CACNA1I: variants seen among roughly 807,000 people sequenced by gnomAD.
CACNA1I encodes voltage-dependent T-type calcium channel subunit alpha-1I.
In CACNA1I, 74 loss-of-function variants were observed where a neutral mutation model predicts 201.6. The observed-to-expected ratio is 0.37, with a 90% confidence interval of 0.30 to 0.45. CACNA1I has a LOEUF of 0.45. Ranked by LOEUF, CACNA1I falls within the 20% of genes least tolerant of loss-of-function variation. The probability of loss-of-function intolerance (pLI) is 1.00; values close to 1 mark genes in which losing one functional copy is unlikely to be tolerated. For missense variants in CACNA1I, 2,346 were observed against 3,138.1 expected (o/e 0.75, Z 6.03); for synonymous variants, 1,431 against 1,345.2 (o/e 1.06, Z -1.40).
At chr22:39,589,840 A>C (rs978017185) in intron 1 of CACNA1I, among the ~76,000 whole-genome samples, 10 of 152,174 alleles carry the variant, frequency 6.6e-5, no homozygotes, top group Non-Finnish European at 1.5e-4. Flanking sequence ...AGGAGGATGG[A>C]GCCCCCAGCC....
chr22:39,658,967 G>A lies in CACNA1I; in HGVS notation c.2181G>A (p.Leu727=), dbSNP rs377565636. The part of the protein sequence containing the change: ...WEIVGQADGG[L]SVLRTFRLLR... ...TTGTGGGGCAGGCGGACGGTGGGCT[G>A]TCGGTGCTGCGGACCTTCCGGCTGC... The change falls in exon 12 of 37, where the codon CTG becomes CTA. Residue 727 remains leucine (L), a synonymous_variant. Coordinates refer to ENST00000402142, the MANE Select transcript of CACNA1I (RefSeq NM_021096.4). 2.5e-6 allele frequency: 4 copies of A among 1,605,184 alleles called. No homozygotes were observed. The highest frequency in any genetic ancestry group is 1.3e-5 in the African/African-American group (1 of 74,788).
chr22:39,590,950 A>T (rs964184032), intron 1 of CACNA1I, among the ~76,000 whole-genome samples: 4 of 151,664 alleles, frequency 2.6e-5, no homozygotes, highest in Non-Finnish European at 5.9e-5. Context: ...GGCTTAAGTG[A>T]TCCTCCCATC....
At chr22:39,595,145 C>T (rs901137086) in intron 1 of CACNA1I, among the ~76,000 whole-genome samples, 5 of 151,626 alleles carry the variant, frequency 3.3e-5, no homozygotes, top group African/African-American at 4.8e-5. Context: ...AAAAATTAGC[C>T]GGGCGTGGTG....
rs1178738335 is a variant in CACNA1I at position 39,641,036 on chromosome 22, G to A, written c.910G>A (p.Gly304Arg). 1.9e-6 allele frequency: 3 copies of A among 1,614,044 alleles called. No individual in the cohort carries two copies. Among genetic ancestry groups the A allele is most frequent in the Non-Finnish European group, 2.5e-6 (3 of 1,179,896 alleles). ...CLSKDDVYDFGAGRQDLNASG... is the reference protein window; with the variant it reads ...CLSKDDVYDFRAGRQDLNASG... ...GTCCAAGGACGACGTCTACGACTTT[G>A]GGGCGGGGCGCCAGGACCTCAATGC... The change falls in exon 6 of 37, where the codon GGG (glycine) becomes AGG (arginine). Residue 304 changes from glycine (G) to arginine (R), a missense_variant. Transcript: ENST00000402142.
chr22:39,663,628 G>T (rs1053630501), intron 18 of CACNA1I, 90 bp from the exon 19 acceptor site: 201 of 1,504,534 alleles, frequency 1.3e-4, no homozygotes, highest in Middle Eastern at 3.5e-4. Flanking sequence ...AGGCCAGCGT[G>T]GTCTGCACTG....
At position 39,664,795 on chromosome 22, in the gene CACNA1I, C is replaced by T. The variant is rs1273975692; in HGVS notation, c.3723C>T (p.Asn1241=). Residue 1241 remains asparagine (N), a synonymous_variant, in exon 21 of 37, where the codon AAC becomes AAT. Coordinates refer to ENST00000402142, the MANE Select transcript of CACNA1I (RefSeq NM_021096.4). ...AGGCGTACCTACGCAGCAGCTGGAACGTGCTGGATGGCTTTCTTGTCTTCG... is the reference window on the plus strand; with the variant it reads ...AGGCGTACCTACGCAGCAGCTGGAATGTGCTGGATGGCTTTCTTGTCTTCG... ...GEQAYLRSSW[N]VLDGFLVFVS... The T allele has an allele frequency of 5.6e-6, 9 of 1,609,016 alleles. No individual in the cohort carries two copies. The highest frequency in any genetic ancestry group is 7.6e-6 in the Non-Finnish European group (9 of 1,177,958).
At chr22:39,600,456 C>T in intron 2 of CACNA1I, 64 bp from the exon 3 acceptor site, 3 of 1,427,266 alleles carry the variant, frequency 2.1e-6, no homozygotes, top group Non-Finnish European at 2.9e-6. Context: ...ACTGTGGCTG[C>T]AACCCCTGGG....
chr22:39,609,458 G>T (rs1051728021), intron 3 of CACNA1I, among the ~76,000 whole-genome samples: 2 of 152,252 alleles, frequency 1.3e-5, no homozygotes, highest in African/African-American at 4.8e-5. Context: ...GTTCTGCAGT[G>T]TGGGGGCTGA....
At chr22:39,598,054 CTG>C (rs1168039166) in intron 1 of CACNA1I, 95 bp from the exon 2 acceptor site, 4 of 698,034 alleles carry the variant, frequency 5.7e-6, no homozygotes, top group East Asian at 2.7e-5. Flanking sequence ...GGGTGTATGC[CTG>C]TGTGTGTGGT....
chr22:39,602,199 G>A lies in CACNA1I; in HGVS notation c.482+1546G>A, dbSNP rs1180793454. ...GGATCCTCCCACCTCAGCCTCCTGA[G>A]TAGCTGGGACTGCAGGCATGTGCTA... is the stretch of plus-strand genomic sequence containing the variant. On this transcript the variant is annotated intron_variant, in intron 3 of 36. Transcript: ENST00000402142. Among the ~76,000 whole-genome samples, 3 of 148,430 alleles carry A rather than the reference G, an allele frequency of 2.0e-5. No individual in the cohort carries two copies. The South Asian group carries it at 6.6e-4, about 32-fold the overall frequency.
At chr22:39,681,902 C>T (rs1445092943) in intron 34 of CACNA1I, among the ~76,000 whole-genome samples, 1 of 152,212 alleles carries the variant, frequency 6.6e-6, no homozygotes, top group African/African-American at 2.4e-5. Flanking sequence ...CACCCCTACA[C>T]TGCTCTCCTA....
intron 23 of CACNA1I, among the ~76,000 whole-genome samples, chr22:39,667,584 G>A (rs1177007621): frequency 6.6e-6 from 1 of 152,100 alleles, no homozygotes; most frequent in South Asian, 2.1e-4. Context: ...CCTGCTGTGT[G>A]CAAGGTTCTG....
At chr22:39,623,679 GGGGTGTGTGGCTGTGA>G (rs1278685072) in intron 4 of CACNA1I, among the ~76,000 whole-genome samples, 248 of 148,392 alleles carry the variant, frequency 1.7e-3, no homozygotes, top group African/African-American at 5.7e-3. Flanking sequence ...ATGCCTGTGA[GGGGTGTGTGGCTGTGA>G]GGGTGTGTGT....
chr22:39,638,542 A>G (rs1435752329), intron 5 of CACNA1I, among the ~76,000 whole-genome samples: 1 of 152,246 alleles, frequency 6.6e-6, no homozygotes, highest in Non-Finnish European at 1.5e-5. Flanking sequence ...GGGTAGGTGT[A>G]AAATGATCTC....
Position 39,629,983 on chromosome 22 carries a change from G to A in CACNA1I, c.581-4582G>A, listed in dbSNP as rs181125629. ...GAAGCTCAAGTCTTCCAGCCCCCTG[G>A]CCCTGTCTCCTCCCCAGCCTCATCC... On this transcript the variant is annotated intron_variant, in intron 4 of 36. Transcript: ENST00000402142. This position sits in a 1 kb window ranked among gnomAD's most constrained non-coding sequence, Gnocchi z 4.8. Among the ~76,000 whole-genome samples the A allele has an allele frequency of 6.6e-6, 1 of 152,162 alleles. No homozygotes were observed. The highest frequency in any genetic ancestry group is 1.5e-5 in the Non-Finnish European group (1 of 68,002).
intron 4 of CACNA1I, among the ~76,000 whole-genome samples, chr22:39,624,908 CTTTTT>C (rs136810): frequency 4.2e-5 from 5 of 119,092 alleles, no homozygotes; most frequent in Admixed American, 9.1e-5. Flanking sequence ...GGGACACAGT[CTTTTT>C]TTTTTTTTTT....
chr22:39,623,660 C>A (rs559931724), intron 4 of CACNA1I, among the ~76,000 whole-genome samples: 4 of 119,470 alleles, frequency 3.3e-5, no homozygotes, highest in African/African-American at 1.3e-4. Context: ...ATGTGTGCTG[C>A]GAGGGGGTAT....
At chr22:39,623,849 G>A (rs541015022) in intron 4 of CACNA1I, among the ~76,000 whole-genome samples, 30 of 144,570 alleles carry the variant, frequency 2.1e-4, no homozygotes, top group East Asian at 4.4e-4. Flanking sequence ...GCGTGTGTGC[G>A]TCCATAAAGG....
At position 39,666,005 on chromosome 22, in the gene CACNA1I, A is replaced by G. The variant is rs535312900; in HGVS notation, c.4103A>G (p.Gln1368Arg). 3.1e-6 allele frequency: 5 copies of G among 1,613,510 alleles called. No homozygotes were observed. In the South Asian group the frequency reaches 4.4e-5, roughly 14 times the overall value. The change falls in exon 23 of 37, where the codon CAG becomes CGG. Residue 1368 changes from glutamine to arginine, a missense_variant and splice_region_variant. By Grantham distance (43) the Gln-to-Arg change is conservative (BLOSUM62 1). Transcript: ENST00000402142. This position sits in a 1 kb window ranked among gnomAD's most constrained non-coding sequence, Gnocchi z 4.1. ...AAATACAACTTCGACAACCTGGGCC[A>G]GGTGAGCACCACCGTCCTAGCCCTG... ...HHKYNFDNLG[Q>R]ALMSLFVLAS...
Sources: gnomAD v4.1 joint callset for allele counts (sites outside exome capture counted in the v4.1 genomes callset) on GRCh38, gnomAD v4.1.1 for gene constraint, Gnocchi (gnomAD v3.1) non-coding constraint, MANE v1.5 for transcripts, NCBI Gene and HGNC (gene_info 2026-07-23, HGNC 2026-07-21) for gene names.